The following ANXA8 variants were observed in gnomAD, a reference collection of about 807,000 sequenced individuals.
ANXA8 encodes the protein annexin A8, also known as VAC-beta.
Under a neutral mutation model 26.8 loss-of-function variants are expected in ANXA8, and 9 were observed. The ratio of observed to expected loss-of-function variants is 0.34; its 90% CI spans 0.20 to 0.59. ANXA8 has a LOEUF of 0.59. Ranked by LOEUF, ANXA8 falls within the 20% of genes least tolerant of loss-of-function variation. The pLI is 0.84. For missense variants in ANXA8, 83 were observed against 238.5 expected (o/e 0.35, Z 4.29); for synonymous variants, 39 against 94.8 (o/e 0.41, Z 3.42).
chr10:47,666,182 G>GCGC, the ANXA8 span, among the ~76,000 whole-genome samples: 2 of 75,470 alleles, frequency 2.7e-5, no homozygotes, highest in Non-Finnish European at 5.2e-5. Flanking sequence ...CCTCTTACCC[G>GCGC]CCCCCCCCAT....
chr10:47,639,306 T>C, the ANXA8 span, among the ~76,000 whole-genome samples: 10 of 77,846 alleles, frequency 1.3e-4, no homozygotes, highest in African/African-American at 4.3e-4. Context: ...CTAATTATTA[T>C]TATTATTATT....
chr10:47,744,598 A>G, the ANXA8 span, among the ~76,000 whole-genome samples: 50 of 151,668 alleles, frequency 3.3e-4, no homozygotes, highest in Non-Finnish European at 4.4e-4. Context: ...TTGGGCAAAT[A>G]ATTCCATACT....
the ANXA8 span, among the ~76,000 whole-genome samples, chr10:47,571,577 CAAAA>C: frequency 1.4e-5 from 2 of 146,480 alleles, no homozygotes; most frequent in African/African-American, 5.3e-5. Flanking sequence ...CAAAACAAAA[CAAAA>C]AAAAAGAGGC....
the ANXA8 span, among the ~76,000 whole-genome samples, chr10:47,761,102 GCACA>G: frequency 5.5e-3 from 795 of 145,502 alleles, 6 homozygotes; most frequent in South Asian, 0.012. Context: ...ACACACACAC[GCACA>G]CACACACACA....
chr10:47,610,749 G>C, the ANXA8 span, among the ~76,000 whole-genome samples: 2 of 148,528 alleles, frequency 1.3e-5, no homozygotes, highest in Non-Finnish European at 3.0e-5. Context: ...GGAGCTCCCA[G>C]AATTATGAAT....
At chr10:47,715,509 T>A in the ANXA8 span, 1 of 615,346 alleles carries the variant, frequency 1.6e-6, no homozygotes, top group African/African-American at 1.9e-5. Flanking sequence ...ACCATTCATA[T>A]TTTGTCTCTG....
rs1401874913 is a variant in ANXA8 at position 47,484,066 on chromosome 10, C to T, written c.-133G>A. ...TCACTTGGGTGTGGGGGTGCAAGCC[C>T]GCCCAGGGCAGCGCCACACCTGCCT... On this transcript the variant is annotated 5_prime_UTR_variant, in exon 1 of 12. Transcript: ENST00000585281. 316 of 1,607,888 alleles carry T rather than the reference C, an allele frequency of 2.0e-4. 4 individuals carry two copies. In the Middle Eastern group the frequency reaches 2.5e-3, roughly 13 times the overall value.
chr10:47,628,675 C>G, the ANXA8 span, among the ~76,000 whole-genome samples: 1 of 149,898 alleles, frequency 6.7e-6, no homozygotes, highest in Non-Finnish European at 1.5e-5. Flanking sequence ...TTACATGCCT[C>G]TCAGCACCTC....
At chr10:47,691,073 A>G in the ANXA8 span, 1 of 1,611,250 alleles carries the variant, frequency 6.2e-7, no homozygotes, top group Non-Finnish European at 8.5e-7. Context: ...TGTGAAGGAA[A>G]TAAACATAAA....
the ANXA8 span, among the ~76,000 whole-genome samples, chr10:47,489,838 C>A: frequency 7.3e-6 from 1 of 137,742 alleles, no homozygotes; most frequent in East Asian, 2.1e-4. Flanking sequence ...CTATACATCC[C>A]TGGGCATCCT....
the ANXA8 span, among the ~76,000 whole-genome samples, chr10:47,700,792 G>A: frequency 6.7e-6 from 1 of 149,620 alleles, no homozygotes; most frequent in African/African-American, 2.5e-5. Context: ...TAAACCTTGA[G>A]TGACAAAGTC....
At chr10:47,528,217 CTACAG>C in the ANXA8 span, among the ~76,000 whole-genome samples, 7 of 140,584 alleles carry the variant, frequency 5.0e-5, no homozygotes, top group Non-Finnish European at 7.7e-5. Context: ...TTAGCTGGGA[CTACAG>C]GCACCCGTTA....
chr10:47,983,003 C>A, the ANXA8 span, among the ~76,000 whole-genome samples: 2 of 119,768 alleles, frequency 1.7e-5, no homozygotes, highest in African/African-American at 6.1e-5. Flanking sequence ...CATTATTAGT[C>A]ATTAGGAAAG....
Position 47,484,043 on chromosome 10 carries a change from A to C in ANXA8, c.-110T>G. On this transcript the variant is annotated 5_prime_UTR_variant, in exon 1 of 12. Coordinates refer to ENST00000585281, the MANE Select transcript of ANXA8 (RefSeq NM_001040084.3). ...CAGCTGAGGAGTGAGCAGGCCGCTC[A>C]CTTGGGTGTGGGGGTGCAAGCCCGC... The C allele has an allele frequency of 5.6e-6, 9 of 1,611,218 alleles. No individual in the cohort carries two copies. The highest frequency in any genetic ancestry group is 7.6e-6 in the Non-Finnish European group (9 of 1,179,564).
the ANXA8 span, among the ~76,000 whole-genome samples, chr10:47,941,780 C>T: frequency 6.8e-6 from 1 of 147,982 alleles, no homozygotes; most frequent in Non-Finnish European, 1.5e-5. Context: ...CATTATCCAA[C>T]ACCACCTACT....
the ANXA8 span, among the ~76,000 whole-genome samples, chr10:47,949,572 C>T: frequency 1.5e-4 from 23 of 150,698 alleles, no homozygotes; most frequent in African/African-American, 5.6e-4. Flanking sequence ...TAACAACGTA[C>T]TGTGTGGCTT....
At chr10:47,643,948 A>G in the ANXA8 span, among the ~76,000 whole-genome samples, 1 of 68,702 alleles carries the variant, frequency 1.5e-5, no homozygotes, top group Non-Finnish European at 2.6e-5. Context: ...CATCCATGTT[A>G]CTGAACTTAC....
At chr10:47,481,044 C>T (rs1484304952) in intron 1 of ANXA8, among the ~76,000 whole-genome samples, 856 of 59,226 alleles carry the variant, frequency 0.014, 12 homozygotes, top group African/African-American at 0.048. Context: ...GACAGATCTT[C>T]CTGAGTCATT....
At chr10:47,693,290 ATCT>A in the ANXA8 span, among the ~76,000 whole-genome samples, 19 of 147,964 alleles carry the variant, frequency 1.3e-4, 1 homozygote, top group East Asian at 3.7e-3. Context: ...GTCAAGTACA[ATCT>A]TTTTTTTTTT....
Sources: allele counts gnomAD v4.1 joint callset (sites outside exome capture counted in the v4.1 genomes callset), GRCh38; gene constraint gnomAD v4.1.1; transcripts MANE v1.5; gene names NCBI Gene and HGNC (gene_info 2026-07-23, HGNC 2026-07-21).